The following CFAP95 variants were observed in gnomAD, a reference collection of about 807,000 sequenced individuals.
CFAP95 encodes the protein cilia and flagella associated protein 95.
the CFAP95 span, among the ~76,000 whole-genome samples, chr9:69,831,166 T>C: frequency 6.6e-6 from 1 of 152,128 alleles, no homozygotes; most frequent in Admixed American, 6.6e-5. Context: ...AATCAGATGG[T>C]TCCAGGTTCA....
At chr9:69,831,433 CT>C in the CFAP95 span, among the ~76,000 whole-genome samples, 5,627 of 151,284 alleles carry the variant, frequency 0.037, 144 homozygotes, top group South Asian at 0.087. Flanking sequence ...ATGAAGAACT[CT>C]TTTTTTTTAA....
chr9:69,841,702 C>A, the CFAP95 span, among the ~76,000 whole-genome samples: 3 of 152,322 alleles, frequency 2.0e-5, no homozygotes, highest in South Asian at 6.2e-4. Context: ...CACAGTTCCA[C>A]ATGGCTGGGG....
the CFAP95 span, among the ~76,000 whole-genome samples, chr9:69,881,663 A>G: frequency 7.6e-4 from 116 of 152,180 alleles, no homozygotes; most frequent in East Asian, 0.02. Context: ...TTGTTATTCC[A>G]TATACATTTT....
At chr9:69,890,976 T>G in the CFAP95 span, among the ~76,000 whole-genome samples, 1 of 152,194 alleles carries the variant, frequency 6.6e-6, no homozygotes. Context: ...CCTCTTAAAC[T>G]GGATGTTTAT....
At chr9:69,839,905 A>G in the CFAP95 span, among the ~76,000 whole-genome samples, 68 of 151,384 alleles carry the variant, frequency 4.5e-4, no homozygotes, top group African/African-American at 1.6e-3. Context: ...GTGAAACCCC[A>G]TCTCTACTAA....
chr9:69,905,269 A>T, the CFAP95 span, among the ~76,000 whole-genome samples: 1 of 152,206 alleles, frequency 6.6e-6, no homozygotes, highest in Non-Finnish European at 1.5e-5. Context: ...CTAGTGCTTT[A>T]AAATTAGAGC....
chr9:69,861,935 A>T, the CFAP95 span, among the ~76,000 whole-genome samples: 1 of 152,084 alleles, frequency 6.6e-6, no homozygotes, highest in Non-Finnish European at 1.5e-5. Context: ...TCCACTCCCC[A>T]TAACTTGGTT....
chr9:69,874,308 G>A, the CFAP95 span, among the ~76,000 whole-genome samples: 2 of 152,192 alleles, frequency 1.3e-5, no homozygotes, highest in Non-Finnish European at 1.5e-5. Context: ...CTAATAAAAG[G>A]CATTCTCTCT....
chr9:69,878,441 C>T, the CFAP95 span, among the ~76,000 whole-genome samples: 1 of 152,222 alleles, frequency 6.6e-6, no homozygotes, highest in East Asian at 1.9e-4. Flanking sequence ...CATATAATCC[C>T]TGCCTGATTC....
At chr9:69,872,043 G>A in the CFAP95 span, among the ~76,000 whole-genome samples, 4 of 152,086 alleles carry the variant, frequency 2.6e-5, no homozygotes, top group Non-Finnish European at 5.9e-5. Flanking sequence ...AACAATCCTC[G>A]TTAGAAAGGA....
At chr9:69,849,643 G>A in the CFAP95 span, among the ~76,000 whole-genome samples, 1 of 152,116 alleles carries the variant, frequency 6.6e-6, no homozygotes, top group Non-Finnish European at 1.5e-5. Flanking sequence ...AAGGAGGTTT[G>A]GGTATGGTTT....
chr9:69,885,110 G>T, the CFAP95 span: 1 of 152,190 alleles, frequency 6.6e-6, no homozygotes, highest in Non-Finnish European at 1.5e-5. Context: ...AAGAATTGGT[G>T]GTTACCACCC....
the CFAP95 span, among the ~76,000 whole-genome samples, chr9:69,832,531 T>A: frequency 1.1e-4 from 16 of 151,550 alleles, no homozygotes; most frequent in African/African-American, 3.9e-4. Context: ...CAAATATGAA[T>A]TTTTTTTCCC....
the CFAP95 span, among the ~76,000 whole-genome samples, chr9:69,888,570 A>G: frequency 1.3e-5 from 2 of 152,204 alleles, no homozygotes; most frequent in Non-Finnish European, 2.9e-5. Flanking sequence ...AAAATTGTCA[A>G]TGTTTTCAAA....
the CFAP95 span, among the ~76,000 whole-genome samples, chr9:69,857,753 C>G: frequency 2.0e-5 from 3 of 152,268 alleles, no homozygotes; most frequent in African/African-American, 4.8e-5. Flanking sequence ...GTCTTGAACT[C>G]CTGAGCGCAG....
the CFAP95 span, among the ~76,000 whole-genome samples, chr9:69,865,774 T>A: frequency 6.6e-6 from 1 of 152,182 alleles, no homozygotes; most frequent in Non-Finnish European, 1.5e-5. Flanking sequence ...TTCCTTTAAA[T>A]TTTATCTATT....
chr9:69,844,595 A>G, the CFAP95 span: 2 of 1,613,350 alleles, frequency 1.2e-6, no homozygotes, highest in Non-Finnish European at 1.7e-6. Flanking sequence ...GTAATTCAAC[A>G]TATCGGCGAC....
chr9:69,891,551 A>G, the CFAP95 span, among the ~76,000 whole-genome samples: 3 of 150,882 alleles, frequency 2.0e-5, no homozygotes, highest in Admixed American at 6.6e-5. Context: ...TAAACTACCT[A>G]TTGGGTACTA....
At chr9:69,906,066 G>A in the CFAP95 span, 82 of 1,613,054 alleles carry the variant, frequency 5.1e-5, 1 homozygote, top group East Asian at 7.8e-4. Flanking sequence ...GATGAGAGTG[G>A]GATTTATGCT....
Sources: allele counts gnomAD v4.1 joint callset (sites outside exome capture counted in the v4.1 genomes callset), GRCh38; gene constraint gnomAD v4.1.1; transcripts MANE v1.5; gene names NCBI Gene and HGNC (gene_info 2026-07-23, HGNC 2026-07-21).